Variants in MRPL24 observed in about 807,000 individuals in gnomAD.
The protein encoded by MRPL24 is large ribosomal subunit protein uL24m.
Under a neutral mutation model 26.9 loss-of-function variants are expected in MRPL24, and 15 were observed. That is an observed-to-expected ratio of 0.56 (90% CI 0.37 to 0.86). The LOEUF (loss-of-function observed/expected upper bound fraction) is 0.86, where lower values mean the gene tolerates loss of function less well. Ranked by LOEUF, MRPL24 falls within the 40% of genes least tolerant of loss-of-function variation. The pLI, the probability that MRPL24 is intolerant of heterozygous loss-of-function variation, is 0.00. For missense variants in MRPL24, 241 were observed against 281.4 expected, an observed-to-expected ratio of 0.86 and a Z score of 1.03; for synonymous variants, 92 against 102.4, an observed-to-expected ratio of 0.90 and a Z score of 0.62.
chr1:156,740,361 A>C (rs1407019020), intron 1 of MRPL24: 1 of 143,720 alleles, frequency 7.0e-6, no homozygotes, highest in Non-Finnish European at 1.6e-5. Context: ...AACAAAAACA[A>C]ACAAAAAAAA....
intron 4 of MRPL24, 71 bp downstream of exon 4, chr1:156,737,960 C>G: frequency 6.7e-7 from 1 of 1,501,918 alleles, no homozygotes; most frequent in Non-Finnish European, 9.2e-7. Context: ...ATCCAACCCA[C>G]CATTCCCATT....
chr1:156,740,776 T>G (rs1295383822), intron 1 of MRPL24, among the ~76,000 whole-genome samples: 1 of 151,974 alleles, frequency 6.6e-6, no homozygotes, highest in Non-Finnish European at 1.5e-5. Flanking sequence ...ATGCTGCTGG[T>G]GAGCGTCCCG....
chr1:156,739,810 T>G (rs12125515), intron 1 of MRPL24, among the ~76,000 whole-genome samples: 38,526 of 151,964 alleles, frequency 0.25, 5,891 homozygotes, highest in Non-Finnish European at 0.35. Flanking sequence ...TACAGGCATG[T>G]GCCACCATGA....
chr1:156,737,953 C>G (rs1649934603), intron 4 of MRPL24, 78 bp downstream of exon 4: 2 of 1,485,076 alleles, frequency 1.3e-6, no homozygotes, highest in African/African-American at 2.8e-5. Flanking sequence ...CCAGAGCATC[C>G]AACCCACCAT....
chr1:156,738,841 T>A (rs1272766805), intron 1 of MRPL24, 77 bp from the exon 2 acceptor site: 1 of 696,812 alleles, frequency 1.4e-6, no homozygotes, highest in East Asian at 2.8e-5. Flanking sequence ...TATTGCTCAA[T>A]GGACCTCATC....
At position 156,738,504 on chromosome 1, in the gene MRPL24, C is replaced by G. The variant is rs537029531; in HGVS notation, c.183+18G>C. Reference sequence around the variant, plus strand: ...CAGGAGGTTCCCCATCACTCTACCCCCTGTATGAGGCTCTCACCGTGTCCC... The same window carrying G: ...CAGGAGGTTCCCCATCACTCTACCCGCTGTATGAGGCTCTCACCGTGTCCC... On this transcript the variant is annotated intron_variant, in intron 2 of 5. Transcript: ENST00000361531. 89 of 1,614,088 alleles carry G rather than the reference C, an allele frequency of 5.5e-5. No homozygotes were observed. In the East Asian group the frequency reaches 1.0e-3, roughly 19 times the overall value.
intron 3 of MRPL24, 102 bp downstream of exon 3, chr1:156,738,241 G>T: frequency 6.6e-7 from 1 of 1,516,008 alleles, no homozygotes; most frequent in Non-Finnish European, 9.2e-7. Context: ...CAGTAATGCC[G>T]CCATCCCCTC....
intron 5 of MRPL24, 32 bp from the exon 6 acceptor site, chr1:156,737,566 G>C (rs1475653909): frequency 6.2e-7 from 1 of 1,603,852 alleles, no homozygotes; most frequent in Admixed American, 1.7e-5. Context: ...AGATGGGTGG[G>C]AGGGCTTGCC....
chr1:156,741,509 G>A (rs1347450411), upstream of MRPL24: 2 of 152,200 alleles, frequency 1.3e-5, no homozygotes, highest in African/African-American at 4.8e-5. Flanking sequence ...TTCAAAAACT[G>A]CCGGTAGGCT....
Position 156,740,765 on chromosome 1 carries a change from G to A in MRPL24, c.-61+247C>T, listed in dbSNP as rs376040941. 5.5e-4 allele frequency among the ~76,000 whole-genome samples: 84 copies of A among 152,206 alleles called. No homozygotes were observed. The South Asian group carries it at 0.017, about 30-fold the overall frequency. ...CCCTTCTTTCCCTTCACAATCTGGA[G>A]ATGCTGCTGGTGAGCGTCCCGCAGT... On this transcript the variant is annotated intron_variant, in intron 1 of 5. Transcript: ENST00000361531.
At position 156,737,395 on chromosome 1, in the gene MRPL24, G is replaced by C. The variant is rs1307840654; in HGVS notation, c.*3C>G. The C allele has an allele frequency of 2.6e-6, 4 of 1,566,538 alleles. No individual in the cohort carries two copies. Among genetic ancestry groups the C allele is most frequent in the Non-Finnish European group, 3.4e-6 (4 of 1,162,230 alleles). On this transcript the variant is annotated 3_prime_UTR_variant, in exon 6 of 6. Coordinates refer to ENST00000361531, the MANE Select transcript of MRPL24 (RefSeq NM_145729.3). ...GTTGGGGAGGAGCTGCTCTGCCCCA[G>C]GCTCAATACCAATAGACCTTCTTGT...
At chr1:156,741,421 C>T (rs1359563986), upstream of MRPL24, 1 of 152,216 alleles carries the variant, frequency 6.6e-6, no homozygotes, top group Non-Finnish European at 1.5e-5. Context: ...CTGTTCAAGG[C>T]AAAGGGCCGC....
Position 156,738,316 on chromosome 1 carries a change from G to A in MRPL24, c.279+27C>T, listed in dbSNP as rs536092577. On this transcript the variant is annotated intron_variant, in intron 3 of 5. Transcript: ENST00000361531. ...GGGACAGATGAGACAGGCTTCCTGA[G>A]CATCCCCATCCCCTCTCTCAACTTA... 4.4e-6 allele frequency: 7 copies of A among 1,605,348 alleles called. No individual in the cohort carries two copies. In the African/African-American group the frequency reaches 6.7e-5, roughly 15 times the overall value.
Position 156,738,746 on chromosome 1 carries a change from G to A in MRPL24, c.-42C>T, listed in dbSNP as rs372052820. The A allele has an allele frequency of 5.8e-5, 89 of 1,537,586 alleles. No individual in the cohort carries two copies. The highest frequency in any genetic ancestry group is 7.3e-5 in the Non-Finnish European group (83 of 1,144,448). On this transcript the variant is annotated 5_prime_UTR_variant, in exon 2 of 6. Transcript: ENST00000361531. ...AAATCCCTTTGCCAGCAAAACGCTC[G>A]AAACCTTCCTTGTCAGCTCTGGGCA...
chr1:156,742,246 G>A (rs1297760650), upstream of MRPL24: 1 of 152,674 alleles, frequency 6.5e-6, no homozygotes, highest in Non-Finnish European at 1.5e-5. Context: ...AGACTGTAGA[G>A]AGGCATAGAG....
In MRPL24 at chr1:156,739,731, A is replaced by C. The variant is rs142832371; in HGVS notation, c.-60-967T>G. On this transcript the variant is annotated intron_variant, in intron 1 of 5. Transcript: ENST00000361531. ...GGCTGGAGTGCAGTGGCATGATCTC[A>C]GCTCACCACGACCTCTGCGTCTTGG... is the stretch of plus-strand genomic sequence containing the variant. 5.9e-3 allele frequency among the ~76,000 whole-genome samples: 871 copies of C among 148,880 alleles called. 5 individuals are homozygous for C. Among genetic ancestry groups the C allele is most frequent in the Middle Eastern group, 0.024 (7 of 292 alleles).
upstream of MRPL24, chr1:156,741,381 A>G (rs540368219): frequency 2.0e-5 from 3 of 152,074 alleles, no homozygotes; most frequent in Non-Finnish European, 4.4e-5. Flanking sequence ...CTAGAGAAGA[A>G]GGCTCCATTT....
rs547928460 is a variant in MRPL24 at position 156,737,384 on chromosome 1, G to A, written c.*14C>T. The A allele has an allele frequency of 1.9e-6, 3 of 1,551,554 alleles. No homozygotes were observed. Among genetic ancestry groups the A allele is most frequent in the East Asian group, 2.2e-5 (1 of 44,636 alleles). Reference sequence around the variant, plus strand: ...CTGGGACAGAAGTTGGGGAGGAGCTGCTCTGCCCCAGGCTCAATACCAATA... The same window carrying A: ...CTGGGACAGAAGTTGGGGAGGAGCTACTCTGCCCCAGGCTCAATACCAATA... On this transcript the variant is annotated 3_prime_UTR_variant, in exon 6 of 6. Transcript: ENST00000361531.
rs1245178801 is a variant in MRPL24, at chr1:156,738,517, C to G, written c.183+5G>C. On this transcript the variant is annotated splice_donor_5th_base_variant and intron_variant, in intron 2 of 5. Coordinates refer to ENST00000361531, the MANE Select transcript of MRPL24 (RefSeq NM_145729.3). The stretch of plus-strand genomic sequence containing the variant: ...ATCACTCTACCCCCTGTATGAGGCT[C>G]TCACCGTGTCCCCACAGAACAGATA... 6.2e-7 allele frequency: 1 copy of G among 1,614,140 alleles called. No individual in the cohort carries two copies.
Sources: gnomAD v4.1 joint callset for allele counts (sites outside exome capture counted in the v4.1 genomes callset) on GRCh38, gnomAD v4.1.1 for gene constraint, MANE v1.5 for transcripts, NCBI Gene and HGNC (gene_info 2026-07-23, HGNC 2026-07-21) for gene names.